C1orf94: variants seen among roughly 807,000 people sequenced by gnomAD.
C1orf94 encodes chromosome 1 open reading frame 94, also known as uncharacterized protein C1orf94.
In C1orf94, 45 loss-of-function variants were observed where a neutral mutation model predicts 53.6. The observed-to-expected ratio is 0.84, with a 90% confidence interval of 0.66 to 1.08. The LOEUF (loss-of-function observed/expected upper bound fraction) is 1.08. C1orf94 is among the 50% of genes least tolerant of loss of function. C1orf94 has a pLI of 0.00. For synonymous variants in C1orf94, 304 were observed against 296.1 expected (o/e 1.03, Z -0.27); for missense variants, 762 against 738.9 (o/e 1.03, Z -0.36).
At chr1:34,178,944 C>A (rs1172037165) in intron 1 of C1orf94, among the ~76,000 whole-genome samples, 2 of 152,112 alleles carry the variant, frequency 1.3e-5, no homozygotes, top group African/African-American at 4.8e-5. Context: ...TATTAGTGTC[C>A]CCATTTTACA....
At chr1:34,195,218 T>G (rs1642559802) in intron 1 of C1orf94, among the ~76,000 whole-genome samples, 1 of 152,148 alleles carries the variant, frequency 6.6e-6, no homozygotes, top group African/African-American at 2.4e-5. Flanking sequence ...TAGCTAATGC[T>G]CACAGCTGAC....
At chr1:34,168,254 G>A (rs1642081409) in intron 1 of C1orf94, among the ~76,000 whole-genome samples, 1 of 152,032 alleles carries the variant, frequency 6.6e-6, no homozygotes, top group Admixed American at 6.6e-5. Flanking sequence ...CTCCAGCCTG[G>A]GTGACAGAGC....
chr1:34,202,124 G>A lies in C1orf94; in HGVS notation c.1311G>A (p.Lys437=), dbSNP rs1454745194. Reference sequence around the variant, plus strand: ...CGGTTGCTGACAAGAACAACCCGAAGTACACAGGGAATGTTTTCACTCCAC... The same window carrying A: ...CGGTTGCTGACAAGAACAACCCGAAATACACAGGGAATGTTTTCACTCCAC... The part of the protein sequence containing the change: ...PVTVADKNNP[K]YTGNVFTPHF... The change falls in exon 4 of 7, where the codon AAG becomes AAA. Residue 437 remains lysine (K), a synonymous_variant. Transcript: ENST00000488417. 6.2e-7 allele frequency: 1 copy of A among 1,614,162 alleles called. No individual in the cohort carries two copies. Among genetic ancestry groups the A allele is most frequent in the South Asian group, 1.1e-5 (1 of 91,086 alleles).
chr1:34,216,604 T>A (rs1642992562), intron 6 of C1orf94, among the ~76,000 whole-genome samples: 1 of 151,858 alleles, frequency 6.6e-6, no homozygotes, highest in South Asian at 2.1e-4. Flanking sequence ...AAAGGTGGAA[T>A]CAAGAGACAA....
Position 34,202,222 on chromosome 1 carries a change from C to A in C1orf94, c.1409C>A (p.Pro470Gln), listed in dbSNP as rs1441231610. The change falls in exon 4 of 7, where the codon CCA becomes CAA. Residue 470 changes from proline (P) to glutamine (Q), a missense_variant. Transcript: ENST00000488417. ...LWLNLNYPPP[P>Q]VFTNHSTFLQ... ...CTCAACCTGAACTATCCACCTCCAC[C>A]AGTGTTCACGAATCACTCTACCTTC... is the stretch of plus-strand genomic sequence containing the variant. 6.2e-7 allele frequency: 1 copy of A among 1,614,132 alleles called. No homozygotes were observed. Among genetic ancestry groups the A allele is most frequent in the African/African-American group, 1.3e-5 (1 of 74,948 alleles).
chr1:34,204,208 A>G (rs550638195), intron 4 of C1orf94, among the ~76,000 whole-genome samples: 1 of 152,246 alleles, frequency 6.6e-6, no homozygotes, highest in African/African-American at 2.4e-5. Flanking sequence ...CTTATGTCCT[A>G]TTGGGAAAGG....
chr1:34,191,827 T>A (rs1226911387), intron 1 of C1orf94, among the ~76,000 whole-genome samples: 1 of 152,204 alleles, frequency 6.6e-6, no homozygotes, highest in Non-Finnish European at 1.5e-5. Context: ...ACAGCATGCT[T>A]GCTTAGTCAT....
At chr1:34,194,114 T>A (rs887627803) in intron 1 of C1orf94, among the ~76,000 whole-genome samples, 1 of 152,222 alleles carries the variant, frequency 6.6e-6, no homozygotes. Flanking sequence ...TTCTTCATTG[T>A]TCTGGATGCC....
At chr1:34,193,255 TG>T (rs1311002669) in intron 1 of C1orf94, among the ~76,000 whole-genome samples, 2 of 152,160 alleles carry the variant, frequency 1.3e-5, no homozygotes, top group African/African-American at 4.8e-5. Flanking sequence ...ACTGTCAGGC[TG>T]GGAGGAGAGT....
intron 1 of C1orf94, among the ~76,000 whole-genome samples, chr1:34,194,669 T>A (rs1642551721): frequency 6.6e-6 from 1 of 152,214 alleles, no homozygotes; most frequent in Non-Finnish European, 1.5e-5. Flanking sequence ...TCCCTCCTCC[T>A]GCTGGATTAA....
At chr1:34,195,806 G>T (rs1472267256) in intron 1 of C1orf94, among the ~76,000 whole-genome samples, 1 of 151,930 alleles carries the variant, frequency 6.6e-6, no homozygotes, top group Non-Finnish European at 1.5e-5. Context: ...GTGTGTGTGT[G>T]TGTGCGTTTG....
chr1:34,198,752 A>G (rs527740044), intron 2 of C1orf94, among the ~76,000 whole-genome samples: 1 of 152,380 alleles, frequency 6.6e-6, no homozygotes, highest in African/African-American at 2.4e-5. Context: ...GAGCAAAGTC[A>G]TCCTGAACAT....
chr1:34,214,738 G>C (rs1488204516), intron 6 of C1orf94, among the ~76,000 whole-genome samples: 1 of 152,188 alleles, frequency 6.6e-6, no homozygotes, highest in Non-Finnish European at 1.5e-5. Flanking sequence ...GGTCGGAGGA[G>C]TGGGTAGGCA....
At position 34,177,678 on chromosome 1, in the gene C1orf94, A is replaced by T; in HGVS notation, c.-112A>T. The T allele has an allele frequency of 1.1e-6, 1 of 895,884 alleles. No homozygotes were observed. Among genetic ancestry groups the T allele is most frequent in the Non-Finnish European group, 1.6e-6 (1 of 606,724 alleles). The allele number at this position is 895,884 out of a possible 1,614,324, so 55.5% of individuals were successfully genotyped here. A position where few individuals can be genotyped will look rare whatever the true frequency, so the allele number is the denominator to read the frequency against. Reference sequence around the variant, plus strand: ...CCCAAAAGAAAGCTGTCCTCCACCCACCCCTCCCACACAAATAGAAGGCCT... The same window carrying T: ...CCCAAAAGAAAGCTGTCCTCCACCCTCCCCTCCCACACAAATAGAAGGCCT... On this transcript the variant is annotated 5_prime_UTR_variant, in exon 1 of 7. Coordinates refer to ENST00000488417, the MANE Select transcript of C1orf94 (RefSeq NM_001134734.2).
rs771552438 is a variant in C1orf94, at chr1:34,197,364, A to G, written c.460A>G (p.Thr154Ala). 2.5e-6 allele frequency: 4 copies of G among 1,610,462 alleles called. No individual in the cohort carries two copies. The African/African-American group carries it at 5.3e-5, about 22-fold the overall frequency. ...LEVPGSSPEG[T>A]RELAPCILAP... The stretch of plus-strand genomic sequence containing the variant: ...GGTACCCGGCAGCTCTCCCGAGGGG[A>G]CCAGAGAGCTGGCTCCCTGCATTCT... Residue 154 changes from threonine (T) to alanine (A), a missense_variant, in exon 2 of 7, where the codon ACC becomes GCC. By Grantham distance (58) the Thr-to-Ala change is moderately conservative. Coordinates refer to ENST00000488417, the MANE Select transcript of C1orf94 (RefSeq NM_001134734.2). This position sits in a 1 kb window ranked among gnomAD's most constrained non-coding sequence, Gnocchi z 4.1.
chr1:34,196,928 G>T (rs1642596143), intron 1 of C1orf94, among the ~76,000 whole-genome samples: 1 of 152,144 alleles, frequency 6.6e-6, no homozygotes, highest in South Asian at 2.1e-4. Flanking sequence ...GAACAAGGAG[G>T]AATGGACTAG....
At chr1:34,190,701 C>T (rs796526903) in intron 1 of C1orf94, among the ~76,000 whole-genome samples, 16 of 152,282 alleles carry the variant, frequency 1.1e-4, no homozygotes, top group African/African-American at 3.1e-4. Flanking sequence ...GGCATTGGAA[C>T]GAGATTGCCT....
rs1642814091 is a variant in C1orf94 at position 34,207,261 on chromosome 1, GGGTGTGTGTGTGT to G, written c.1447-894_1447-882del. Among the ~76,000 whole-genome samples the G allele has an allele frequency of 6.3e-5, 5 of 79,084 alleles. No homozygotes were observed. The East Asian group carries it at 1.1e-3, about 18-fold the overall frequency. 51.9% of individuals were successfully genotyped at this position (79,084 alleles called of 152,430 possible). ...CCACTGCCACAGCAGCAGTTCTGCG[GGGTGTGTGTGTGT>G]GTGTGTGTGTGTGTGTGTGTGTGTG... On this transcript the variant is annotated intron_variant, in intron 4 of 6. Coordinates refer to ENST00000488417, the MANE Select transcript of C1orf94 (RefSeq NM_001134734.2).
chr1:34,214,144 G>T (rs1481277760), intron 6 of C1orf94, among the ~76,000 whole-genome samples: 1 of 152,212 alleles, frequency 6.6e-6, no homozygotes, highest in Non-Finnish European at 1.5e-5. Context: ...GTGGCCCGAG[G>T]ACAAAGGCAG....
Sources: gnomAD v4.1 joint callset for allele counts (sites outside exome capture counted in the v4.1 genomes callset) on GRCh38, gnomAD v4.1.1 for gene constraint, Gnocchi (gnomAD v3.1) non-coding constraint, MANE v1.5 for transcripts, NCBI Gene and HGNC (gene_info 2026-07-23, HGNC 2026-07-21) for gene names.